The following SGPP2 variants were observed in gnomAD, a reference collection of about 807,000 sequenced individuals.
SGPP2 encodes sphingosine-1-phosphate phosphatase 2, also known as sphingosine 1-phosphate phosphohydrolase 2.
Under a neutral mutation model 33.9 loss-of-function variants are expected in SGPP2, and 30 were observed. The ratio of observed to expected loss-of-function variants is 0.89; its 90% CI spans 0.66 to 1.20. SGPP2 has a LOEUF of 1.20. Ranked by LOEUF, SGPP2 falls within the 50% of genes most tolerant of loss-of-function variation. The pLI is 0.00. For synonymous variants in SGPP2, 233 were observed against 225.0 expected, an observed-to-expected ratio of 1.04 and a Z score of -0.32; for missense variants, 458 against 532.1, an observed-to-expected ratio of 0.86 and a Z score of 1.37.
chr2:222,424,511 G>T, upstream of SGPP2: 1 of 917,772 alleles, frequency 1.1e-6, no homozygotes, highest in South Asian at 5.4e-5. Flanking sequence ...CCCGGAGTGC[G>T]GGATCGGCGG....
intron 1 of SGPP2, among the ~76,000 whole-genome samples, chr2:222,469,138 C>T (rs1355742675): frequency 1.3e-5 from 2 of 152,196 alleles, no homozygotes; most frequent in Non-Finnish European, 2.9e-5. Context: ...TTGTCAGACA[C>T]TTCTTCATTT....
chr2:222,464,316 T>C (rs1173590300), intron 1 of SGPP2, among the ~76,000 whole-genome samples: 1 of 152,230 alleles, frequency 6.6e-6, no homozygotes, highest in Non-Finnish European at 1.5e-5. Flanking sequence ...ATGTCTCTTA[T>C]TGTCTGTGGA....
intron 2 of SGPP2, among the ~76,000 whole-genome samples, chr2:222,511,342 G>A (rs1016507852): frequency 6.6e-6 from 1 of 152,192 alleles, no homozygotes; most frequent in African/African-American, 2.4e-5. Flanking sequence ...CCTGCATTCA[G>A]AGCAGAAGAA....
At chr2:222,438,401 C>A (rs1003184020) in intron 1 of SGPP2, among the ~76,000 whole-genome samples, 1 of 152,164 alleles carries the variant, frequency 6.6e-6, no homozygotes, top group South Asian at 2.1e-4. Context: ...TGATATCTTG[C>A]GAAAGTGAAA....
At chr2:222,471,831 G>A (rs1434785351) in intron 1 of SGPP2, among the ~76,000 whole-genome samples, 1 of 151,994 alleles carries the variant, frequency 6.6e-6, no homozygotes, top group Non-Finnish European at 1.5e-5. Flanking sequence ...TAAAGTTTAC[G>A]ACTACCTTAA....
At chr2:222,481,859 C>T (rs955982719) in intron 2 of SGPP2, among the ~76,000 whole-genome samples, 2 of 152,136 alleles carry the variant, frequency 1.3e-5, no homozygotes, top group Non-Finnish European at 2.9e-5. Context: ...TTTGTTTTTT[C>T]ACCTAACATC....
At chr2:222,455,184 A>G (rs554876956) in intron 1 of SGPP2, among the ~76,000 whole-genome samples, 7 of 150,800 alleles carry the variant, frequency 4.6e-5, no homozygotes, top group Non-Finnish European at 5.9e-5. Flanking sequence ...AGCCTGGACA[A>G]CATAGTGAGA....
Position 222,424,555 on chromosome 2 carries a change from C to G in SGPP2, c.-48C>G. 1 of 1,161,750 alleles carries G rather than the reference C, an allele frequency of 8.6e-7. No individual in the cohort carries two copies. Among genetic ancestry groups the G allele is most frequent in the Non-Finnish European group, 1.1e-6 (1 of 929,390 alleles). 72.0% of individuals were successfully genotyped at this position (1,161,750 alleles called of 1,614,324 possible). A position where few individuals can be genotyped will look rare whatever the true frequency, so the allele number is the denominator to read the frequency against. On this transcript the variant is annotated 5_prime_UTR_variant, in exon 1 of 5. Coordinates refer to ENST00000321276, the MANE Select transcript of SGPP2 (RefSeq NM_152386.4). ...CGGGAGTGGCGGTGCCAGCGGAGGG[C>G]ACCGGCCCGGCGTGGCAGCGGCGGC...
At chr2:222,451,900 G>A (rs1262336436) in intron 1 of SGPP2, among the ~76,000 whole-genome samples, 2 of 152,032 alleles carry the variant, frequency 1.3e-5, no homozygotes, top group African/African-American at 4.8e-5. Context: ...AGCACTTTCT[G>A]TATGTCAGGC....
intron 2 of SGPP2, among the ~76,000 whole-genome samples, chr2:222,508,081 C>T (rs1372390904): frequency 6.6e-6 from 1 of 152,174 alleles, no homozygotes; most frequent in Non-Finnish European, 1.5e-5. Context: ...GGACACTGAT[C>T]CTAGCTTTCT....
chr2:222,522,723 G>A (rs1389527173), intron 3 of SGPP2, among the ~76,000 whole-genome samples: 1 of 152,078 alleles, frequency 6.6e-6, no homozygotes, highest in Non-Finnish European at 1.5e-5. Context: ...CTGTTGCTGG[G>A]GCTGGAGTGC....
chr2:222,440,916 C>G (rs1018125387), intron 1 of SGPP2, among the ~76,000 whole-genome samples: 1 of 152,200 alleles, frequency 6.6e-6, no homozygotes. Context: ...ATCTACACTC[C>G]CTTCTACTTT....
At position 222,558,873 on chromosome 2, in the gene SGPP2, T is replaced by G. The variant is rs1425334035; in HGVS notation, c.1175T>G (p.Leu392Arg). The G allele has an allele frequency of 5.0e-6, 8 of 1,608,672 alleles. No individual in the cohort carries two copies. The highest frequency in any genetic ancestry group is 6.8e-6 in the Non-Finnish European group (8 of 1,175,316). ...TGCGCTACAACCTTTGTGCCGATGC[T>G]TCACAGGTTTCTGGGATTACCCTGA... is the stretch of plus-strand genomic sequence containing the variant. ...GICATTFVPMLHRFLGLP is the reference protein window; with the variant it reads ...GICATTFVPMRHRFLGLP The change falls in exon 5 of 5, where the codon CTT becomes CGT. Residue 392 changes from leucine to arginine, a missense_variant. By Grantham distance (102) the Leu-to-Arg change is moderately radical. Transcript: ENST00000321276.
intron 1 of SGPP2, among the ~76,000 whole-genome samples, chr2:222,455,285 T>G (rs1238555514): frequency 1.3e-5 from 2 of 151,654 alleles, no homozygotes; most frequent in African/African-American, 4.8e-5. Context: ...AACAGGGTTA[T>G]GATGTGGAGC....
At position 222,502,873 on chromosome 2, in the gene SGPP2, G is replaced by A. The variant is rs112313225; in HGVS notation, c.379-18894G>A. On this transcript the variant is annotated intron_variant, in intron 2 of 4. Coordinates refer to ENST00000321276, the MANE Select transcript of SGPP2 (RefSeq NM_152386.4). ...CCATTCCTGAGAGAACATTTACACC[G>A]TGTACGAAATTCTACCCTTTAACAC... is the stretch of plus-strand genomic sequence containing the variant. Among the ~76,000 whole-genome samples, 1,508 of 152,302 alleles carry A rather than the reference G, an allele frequency of 9.9e-3. 16 individuals carry two copies. Among genetic ancestry groups the A allele is most frequent in the African/African-American group, 0.035 (1,434 of 41,554 alleles).
intron 1 of SGPP2, among the ~76,000 whole-genome samples, chr2:222,443,612 C>T (rs1249888607): frequency 1.3e-5 from 2 of 152,304 alleles, no homozygotes; most frequent in East Asian, 1.9e-4. Context: ...ATTTTCTTTG[C>T]AGGTCTGTGT....
At chr2:222,515,421 C>T (rs943184934) in intron 2 of SGPP2, among the ~76,000 whole-genome samples, 14 of 152,056 alleles carry the variant, frequency 9.2e-5, no homozygotes, top group South Asian at 2.1e-4. Flanking sequence ...CTCCGCCTCC[C>T]GGGTTCAAGC....
At chr2:222,486,962 GTTTGA>G (rs1204181823) in intron 2 of SGPP2, among the ~76,000 whole-genome samples, 2 of 151,632 alleles carry the variant, frequency 1.3e-5, no homozygotes, top group Non-Finnish European at 2.9e-5. Context: ...AAATCCTACT[GTTTGA>G]TTTGAGAGTA....
At chr2:222,434,868 C>T (rs1047496461) in intron 1 of SGPP2, among the ~76,000 whole-genome samples, 3 of 151,656 alleles carry the variant, frequency 2.0e-5, no homozygotes, top group Non-Finnish European at 2.9e-5. Context: ...TGAAATAGAA[C>T]ATCAAGTATT....
Sources: gnomAD v4.1 joint callset for allele counts (sites outside exome capture counted in the v4.1 genomes callset) on GRCh38, gnomAD v4.1.1 for gene constraint, MANE v1.5 for transcripts, NCBI Gene and HGNC (gene_info 2026-07-23, HGNC 2026-07-21) for gene names.